Variants in NRXN1 observed in about 807,000 individuals in gnomAD.
The protein encoded by NRXN1 is neurexin 1.
Under a neutral mutation model 150.9 loss-of-function variants are expected in NRXN1, and 39 were observed. That is an observed-to-expected ratio of 0.26 (90% CI 0.20 to 0.34). The LOEUF (loss-of-function observed/expected upper bound fraction) is 0.34. NRXN1 is among the 10% of genes least tolerant of loss of function. The pLI, the probability that NRXN1 is intolerant of heterozygous loss-of-function variation, is 1.00. For missense variants in NRXN1, 1,815 were observed against 1,949.9 expected, an observed-to-expected ratio of 0.93 and a Z score of 1.30; for synonymous variants, 924 against 757.0, an observed-to-expected ratio of 1.22 and a Z score of -3.62.
At chr2:50,232,022 C>A (rs1398973001) in intron 18 of NRXN1, among the ~76,000 whole-genome samples, 2 of 152,142 alleles carry the variant, frequency 1.3e-5, no homozygotes, top group East Asian at 3.9e-4. Flanking sequence ...TCTTAAAAAT[C>A]TATTATTTGT....
In NRXN1 at chr2:51,022,069, A is replaced by AT. The variant is rs1485933498; in HGVS notation, c.772+5432dup. Among the ~76,000 whole-genome samples, 3 of 152,192 alleles carry AT rather than the reference A, an allele frequency of 2.0e-5. No homozygotes were observed. The East Asian group carries it at 5.8e-4, about 29-fold the overall frequency. Reference sequence around the variant, plus strand: ...AACTGAAACTTTAGGCAGGTAATGGATCATTATTATACTAAAATTCCTTTT... The same window carrying AT: ...AACTGAAACTTTAGGCAGGTAATGGATTCATTATTATACTAAAATTCCTTTT... On this transcript the variant is annotated intron_variant, in intron 2 of 22. Transcript: ENST00000401669.
intron 21 of NRXN1, among the ~76,000 whole-genome samples, chr2:50,035,803 T>A (rs1689945629): frequency 6.6e-6 from 1 of 152,116 alleles, no homozygotes; most frequent in Admixed American, 6.6e-5. Context: ...TCCTCCATGG[T>A]TCCAAATTAT....
chr2:50,442,423 C>T (rs1395426002), intron 17 of NRXN1, among the ~76,000 whole-genome samples: 2 of 152,128 alleles, frequency 1.3e-5, no homozygotes, highest in East Asian at 3.8e-4. Flanking sequence ...CACACCTATA[C>T]ACCTATTGCT....
chr2:50,387,763 A>C (rs10201390), intron 17 of NRXN1, among the ~76,000 whole-genome samples: 36,078 of 152,058 alleles, frequency 0.24, 4,691 homozygotes, highest in East Asian at 0.45. Flanking sequence ...AGGTCCTGTT[A>C]ATTTTCAAGA....
At chr2:50,378,851 T>G in intron 17 of NRXN1, among the ~76,000 whole-genome samples, 1 of 152,174 alleles carries the variant, frequency 6.6e-6, no homozygotes, top group Non-Finnish European at 1.5e-5. Context: ...GACTAAGTTA[T>G]GTTCAGATAA....
intron 18 of NRXN1, among the ~76,000 whole-genome samples, chr2:50,107,712 C>A (rs79041998): frequency 6.6e-6 from 1 of 151,316 alleles, no homozygotes; most frequent in Admixed American, 6.6e-5. Context: ...AAATTACTAA[C>A]GTAAAAGTAT....
intron 3 of NRXN1, among the ~76,000 whole-genome samples, chr2:50,925,485 C>G (rs560870665): frequency 6.6e-6 from 1 of 151,772 alleles, no homozygotes; most frequent in Non-Finnish European, 1.5e-5. Flanking sequence ...TTATTGCATT[C>G]TTTTTATACA....
At chr2:50,890,065 T>C (rs185581211) in intron 5 of NRXN1, among the ~76,000 whole-genome samples, 35 of 151,958 alleles carry the variant, frequency 2.3e-4, no homozygotes, top group Non-Finnish European at 3.7e-4. Context: ...CAGGTTTTCC[T>C]TTAATATAGA....
intron 12 of NRXN1, among the ~76,000 whole-genome samples, chr2:50,520,688 T>C (rs1050481568): frequency 3.3e-5 from 5 of 152,008 alleles, no homozygotes; most frequent in East Asian, 1.9e-4. Flanking sequence ...ATTACCAATA[T>C]ATTATTTTTA....
chr2:50,264,639 G>GGAT (rs1454370223), intron 17 of NRXN1, among the ~76,000 whole-genome samples: 1 of 151,980 alleles, frequency 6.6e-6, no homozygotes, highest in Admixed American at 6.6e-5. Flanking sequence ...TCCAGCACAA[G>GGAT]GATGATCTCC....
intron 2 of NRXN1, among the ~76,000 whole-genome samples, chr2:50,997,716 C>T (rs1184756505): frequency 7.1e-6 from 1 of 140,406 alleles, no homozygotes; most frequent in East Asian, 2.0e-4. Context: ...TGCTATGTTG[C>T]CCAGCTGGTC....
At chr2:50,814,485 G>C (rs564931104) in intron 5 of NRXN1, among the ~76,000 whole-genome samples, 12 of 152,120 alleles carry the variant, frequency 7.9e-5, no homozygotes, top group African/African-American at 2.9e-4. Flanking sequence ...GGCAAACACA[G>C]AAAGAAGTTG....
intron 17 of NRXN1, among the ~76,000 whole-genome samples, chr2:50,334,135 C>A (rs1318778933): frequency 6.7e-6 from 1 of 148,466 alleles, no homozygotes; most frequent in Non-Finnish European, 1.5e-5. Flanking sequence ...ACTGTGTTTT[C>A]CAACTTAACT....
At chr2:50,930,565 AACT>A (rs1687589091) in intron 2 of NRXN1, among the ~76,000 whole-genome samples, 1 of 152,082 alleles carries the variant, frequency 6.6e-6, no homozygotes, top group Non-Finnish European at 1.5e-5. Context: ...TTTCATGAGG[AACT>A]ACTACAAGGA....
intron 22 of NRXN1, among the ~76,000 whole-genome samples, chr2:49,942,516 G>A (rs1030530506): frequency 6.6e-6 from 1 of 151,990 alleles, no homozygotes; most frequent in African/African-American, 2.4e-5. Context: ...GGGATTCTAG[G>A]TGATGTCAAT....
chr2:50,987,381 A>C (rs1697889516), intron 2 of NRXN1, among the ~76,000 whole-genome samples: 1 of 151,938 alleles, frequency 6.6e-6, no homozygotes, highest in Admixed American at 6.6e-5. Context: ...GCTATTACAT[A>C]GAGTCAGGCC....
At chr2:50,812,201 G>A (rs1172316361) in intron 5 of NRXN1, among the ~76,000 whole-genome samples, 1 of 152,104 alleles carries the variant, frequency 6.6e-6, no homozygotes, top group Admixed American at 6.6e-5. Flanking sequence ...ACAGTCACTG[G>A]TTGCTTCTGT....
chr2:50,501,302 G>T (rs1218037482), intron 13 of NRXN1, among the ~76,000 whole-genome samples: 1 of 151,976 alleles, frequency 6.6e-6, no homozygotes, highest in African/African-American at 2.4e-5. Context: ...AGGAGCGGGA[G>T]CGCCAGGGTC....
intron 18 of NRXN1, among the ~76,000 whole-genome samples, chr2:50,173,876 T>G (rs896601293): frequency 6.6e-6 from 1 of 152,132 alleles, no homozygotes; most frequent in Admixed American, 6.5e-5. Context: ...TCAAACCTTC[T>G]AATATGGTTT....
Sources: allele counts gnomAD v4.1 joint callset (sites outside exome capture counted in the v4.1 genomes callset), GRCh38; gene constraint gnomAD v4.1.1; transcripts MANE v1.5; gene names NCBI Gene and HGNC (gene_info 2026-07-23, HGNC 2026-07-21).